MPRIP: variants seen among roughly 807,000 people sequenced by gnomAD.
The protein encoded by MPRIP is myosin phosphatase Rho-interacting protein.
A neutral mutation model predicts 234.9 loss-of-function variants in MPRIP; 59 were observed. That is an observed-to-expected ratio of 0.25 (90% CI 0.20 to 0.31). MPRIP has a LOEUF of 0.31. Among genes scored for constraint, MPRIP ranks in the 10% least tolerant of loss-of-function variants. The probability of loss-of-function intolerance (pLI) is 1.00; values close to 1 mark genes in which losing one functional copy is unlikely to be tolerated. For synonymous variants in MPRIP, 1,144 were observed against 1,263.9 expected, an observed-to-expected ratio of 0.91 and a Z score of 2.01; for missense variants, 2,436 against 3,071.0, an observed-to-expected ratio of 0.79 and a Z score of 4.89.
chr17:17,077,095 C>A (rs913223096), intron 2 of MPRIP: 6 of 152,136 alleles, frequency 3.9e-5, no homozygotes, highest in African/African-American at 1.5e-4. Context: ...GCGTGCATCA[C>A]CATGCCTAGC....
intron 1 of MPRIP, among the ~76,000 whole-genome samples, chr17:17,060,559 G>A (rs755038258): frequency 3.3e-5 from 5 of 152,192 alleles, no homozygotes; most frequent in Non-Finnish European, 5.9e-5. Flanking sequence ...GTATAAAATG[G>A]AGGTCATGAG....
chr17:17,168,938 C>T (rs1420011090), intron 16 of MPRIP: 1 of 456,810 alleles, frequency 2.2e-6, no homozygotes, highest in Non-Finnish European at 4.4e-6. Context: ...AGCAGGACAC[C>T]TGTTTTTCCC....
At chr17:17,170,601 C>T (rs2046111654) in intron 16 of MPRIP, among the ~76,000 whole-genome samples, 1 of 152,220 alleles carries the variant, frequency 6.6e-6, no homozygotes, top group African/African-American at 2.4e-5. Context: ...TTTCTTGAAT[C>T]CACATGCAAG....
At chr17:17,180,537 G>A (rs940147222) in intron 23 of MPRIP, 12 of 1,397,908 alleles carry the variant, frequency 8.6e-6, no homozygotes, top group Middle Eastern at 3.5e-4. Context: ...GAGGGCGGGC[G>A]GAGGTGGGAG....
At chr17:17,179,108 A>G (rs11867506) in intron 22 of MPRIP, among the ~76,000 whole-genome samples, 111,366 of 144,126 alleles carry the variant, frequency 0.77, 42,810 homozygotes, top group East Asian at 0.99. Flanking sequence ...GAGGTCAGGA[A>G]TTCGAGACCA....
chr17:17,177,316 G>T lies in MPRIP; in HGVS notation c.7024G>T (p.Ala2342Ser). 6.2e-7 allele frequency: 1 copy of T among 1,614,048 alleles called. No homozygotes were observed. The highest frequency in any genetic ancestry group is 8.5e-7 in the Non-Finnish European group (1 of 1,180,038). The change falls in exon 22 of 24, where the codon GCT (alanine) becomes TCT (serine). Residue 2342 changes from alanine (A) to serine (S), a missense_variant. Transcript: ENST00000651222. Reference sequence around the variant, plus strand: ...AGAGCTCAGCATCGCGAAGGCTAAGGCTGACTGTGACATCAGCAGGTTGAA... The same window carrying T: ...AGAGCTCAGCATCGCGAAGGCTAAGTCTGACTGTGACATCAGCAGGTTGAA... ...YTELSIAKAK[A>S]DCDISRLKEQ...
intron 16 of MPRIP, chr17:17,168,474 C>T (rs556854075): frequency 1.4e-4 from 40 of 280,788 alleles, no homozygotes; most frequent in African/African-American, 4.4e-4. Context: ...AACTTTCCCA[C>T]GGAGCACAGC....
intron 3 of MPRIP, among the ~76,000 whole-genome samples, chr17:17,101,577 A>C (rs1448261420): frequency 6.7e-6 from 1 of 150,092 alleles, no homozygotes; most frequent in Admixed American, 6.7e-5. Flanking sequence ...TCTCAAAAAA[A>C]ATTTTTTTTA....
At chr17:17,135,313 G>C (rs2090673663) in intron 5 of MPRIP, among the ~76,000 whole-genome samples, 2 of 152,236 alleles carry the variant, frequency 1.3e-5, no homozygotes, top group Admixed American at 6.5e-5. Context: ...ACCATGGAGA[G>C]ATTGGGGATT....
At chr17:17,073,964 C>G (rs2089265830) in intron 1 of MPRIP, among the ~76,000 whole-genome samples, 1 of 152,230 alleles carries the variant, frequency 6.6e-6, no homozygotes, top group African/African-American at 2.4e-5. Context: ...TCCACTTGCA[C>G]CATTCATGGG....
intron 14 of MPRIP, among the ~76,000 whole-genome samples, chr17:17,160,045 C>G (rs2045827790): frequency 6.6e-6 from 1 of 152,224 alleles, no homozygotes; most frequent in Non-Finnish European, 1.5e-5. Flanking sequence ...ACTGGCTCAA[C>G]AATCTGGGGG....
intron 13 of MPRIP, among the ~76,000 whole-genome samples, chr17:17,157,406 T>C (rs2045752481): frequency 6.6e-6 from 1 of 152,204 alleles, no homozygotes; most frequent in Non-Finnish European, 1.5e-5. Context: ...CCCTTCTGCC[T>C]TCCTCTCCAA....
intron 1 of MPRIP, among the ~76,000 whole-genome samples, chr17:17,045,596 G>A (rs984849545): frequency 1.3e-5 from 2 of 152,202 alleles, no homozygotes; most frequent in Non-Finnish European, 2.9e-5. Context: ...AATAATGTCA[G>A]GGATAGTTAT....
chr17:17,142,662 A>G lies in MPRIP; in HGVS notation c.1286A>G (p.Asp429Gly), dbSNP rs2045353441. The G allele has an allele frequency of 6.2e-7, 1 of 1,611,870 alleles. No individual in the cohort carries two copies. The highest frequency in any genetic ancestry group is 1.3e-5 in the African/African-American group (1 of 74,864). ...SQVIEKFEAL[D>G]IEKAEHMETN... ...GTGATTGAAAAGTTTGAGGCCTTGG[A>G]CATTGAGAAGGCAGAGCACATGGAG... is the stretch of plus-strand genomic sequence containing the variant. The change falls in exon 8 of 24, where the codon GAC becomes GGC. Residue 429 changes from aspartate (D) to glycine (G), a missense_variant. Around this residue, in one of 4 missense-constraint regions of MPRIP, gnomAD observed 267 missense variants for 252.7 expected, o/e 1.06. Transcript: ENST00000651222.
intron 3 of MPRIP, among the ~76,000 whole-genome samples, chr17:17,093,274 C>A (rs569536934): frequency 1.3e-5 from 2 of 152,344 alleles, no homozygotes; most frequent in Admixed American, 1.3e-4. Flanking sequence ...CATGAACTCT[C>A]CTGCATTGGA....
intron 1 of MPRIP, among the ~76,000 whole-genome samples, chr17:17,043,431 A>G (rs2088244454): frequency 6.6e-6 from 1 of 151,978 alleles, no homozygotes; most frequent in Non-Finnish European, 1.5e-5. Context: ...CAAGCACTGG[A>G]GAGAGGTGAA....
chr17:17,173,795 A>C (rs755127752), intron 18 of MPRIP, 121 bp from the exon 19 acceptor site: 18 of 1,171,408 alleles, frequency 1.5e-5, no homozygotes, highest in Non-Finnish European at 2.3e-5. Context: ...AGGCTGATTA[A>C]GACAACAGAC....
At chr17:17,184,405 C>T (rs544227131) in intron 23 of MPRIP, among the ~76,000 whole-genome samples, 2 of 152,326 alleles carry the variant, frequency 1.3e-5, no homozygotes, top group Admixed American at 6.5e-5. Context: ...ATCTGGTCCT[C>T]CTCAGCTGAG....
chr17:17,066,721 ATCTTTTTTTTTTTTTTTTTTTTTT>A (rs2089037692), intron 1 of MPRIP, among the ~76,000 whole-genome samples: 1 of 39,440 alleles, frequency 2.5e-5, no homozygotes. Flanking sequence ...TACTTTTTTC[ATCTTTTTTTTTTTTTTTTTTTTTT>A]TTTTTTTTTT....
Sources: allele counts gnomAD v4.1 joint callset (sites outside exome capture counted in the v4.1 genomes callset), GRCh38; gene constraint gnomAD v4.1.1; regional missense constraint gnomAD v4.1.1; transcripts MANE v1.5; gene names NCBI Gene and HGNC (gene_info 2026-07-23, HGNC 2026-07-21).